GRIN2B: variants seen among roughly 807,000 people sequenced by gnomAD.
The protein encoded by GRIN2B is glutamate receptor ionotropic, NMDA 2B.
GRIN2B carries 5 observed loss-of-function variants against 114.5 expected under a neutral mutation model. The ratio of observed to expected loss-of-function variants is 0.04; its 90% CI spans 0.02 to 0.09. The LOEUF is 0.09. Ranked by LOEUF, GRIN2B falls within the 10% of genes least tolerant of loss-of-function variation. GRIN2B has a pLI of 1.00. For missense variants in GRIN2B, 1,108 were observed against 1,943.5 expected (o/e 0.57, Z 8.08); for synonymous variants, 787 against 745.1 (o/e 1.06, Z -0.92).
intron 4 of GRIN2B, among the ~76,000 whole-genome samples, chr12:13,680,526 C>A (rs1245879102): frequency 6.8e-6 from 1 of 147,754 alleles, no homozygotes; most frequent in African/African-American, 2.5e-5. Flanking sequence ...GTAGTTTGAA[C>A]CTTAAGAAAC....
chr12:13,704,432 A>G (rs922531301), intron 4 of GRIN2B, among the ~76,000 whole-genome samples: 3 of 152,154 alleles, frequency 2.0e-5, no homozygotes, highest in African/African-American at 7.2e-5. Context: ...AACGACTCAA[A>G]CCAAATCCTG....
At chr12:13,770,683 A>G (rs1425453219) in intron 3 of GRIN2B, among the ~76,000 whole-genome samples, 1 of 152,162 alleles carries the variant, frequency 6.6e-6, no homozygotes, top group Non-Finnish European at 1.5e-5. Context: ...TCTGTAATGG[A>G]CAGGCCCTGG....
chr12:13,878,248 C>T (rs1866020868), intron 2 of GRIN2B, among the ~76,000 whole-genome samples: 1 of 152,114 alleles, frequency 6.6e-6, no homozygotes, highest in Admixed American at 6.6e-5. Flanking sequence ...ATCGACTCCC[C>T]CGACCCACTT....
chr12:13,731,170 C>T (rs932908566), intron 4 of GRIN2B, among the ~76,000 whole-genome samples: 2 of 152,164 alleles, frequency 1.3e-5, no homozygotes, highest in South Asian at 2.1e-4. Flanking sequence ...TGTAATTCCA[C>T]GTTCCAGACT....
chr12:13,699,898 T>G (rs1950295039), intron 4 of GRIN2B, among the ~76,000 whole-genome samples: 1 of 151,364 alleles, frequency 6.6e-6, no homozygotes, highest in South Asian at 2.1e-4. Context: ...TTTTTTTTTT[T>G]TTCTTGTCTA....
At chr12:13,583,715 G>T (rs1428970832) in intron 10 of GRIN2B, among the ~76,000 whole-genome samples, 1 of 152,160 alleles carries the variant, frequency 6.6e-6, no homozygotes, top group Non-Finnish European at 1.5e-5. Context: ...AGGCAAAGAG[G>T]TCTGGGGAGG....
chr12:13,862,876 C>T (rs1304531021), intron 3 of GRIN2B, among the ~76,000 whole-genome samples: 5 of 152,196 alleles, frequency 3.3e-5, no homozygotes, highest in African/African-American at 1.2e-4. Context: ...ACCACCCATT[C>T]AGCATCGAAC....
chr12:13,759,278 C>T (rs903921254), intron 3 of GRIN2B, among the ~76,000 whole-genome samples: 15 of 151,786 alleles, frequency 9.9e-5, no homozygotes, highest in African/African-American at 3.4e-4. Context: ...CAAAGTGCTG[C>T]GATTACAGGC....
At chr12:13,930,875 T>G (rs2136823690) in intron 2 of GRIN2B, among the ~76,000 whole-genome samples, 1 of 152,246 alleles carries the variant, frequency 6.6e-6, no homozygotes, top group South Asian at 2.1e-4. Flanking sequence ...GGGTGGAGAA[T>G]TTGCTTTGAA....
chr12:13,784,223 CAAAAAAAAAAAAAAAAAAAA>C (rs56197649), intron 3 of GRIN2B, among the ~76,000 whole-genome samples: 33 of 71,900 alleles, frequency 4.6e-4, no homozygotes, highest in South Asian at 2.6e-3. Context: ...GACTTCGCCT[CAAAAAAAAAAAAAAAAAAAA>C]AAAAAAAAAA....
rs192363922 is a variant in GRIN2B, at chr12:13,819,188, G to T, written c.411+46610C>A. 5.3e-4 allele frequency among the ~76,000 whole-genome samples: 80 copies of T among 152,264 alleles called. No homozygotes were observed. In the East Asian group the frequency reaches 0.011, roughly 21 times the overall value. ...GACACAGCCATTTAGAAGAAAGACCGTGTGAGTGAGAGAGAAGGTGGCCAT... is the reference window on the plus strand; with the variant it reads ...GACACAGCCATTTAGAAGAAAGACCTTGTGAGTGAGAGAGAAGGTGGCCAT... On this transcript the variant is annotated intron_variant, in intron 3 of 13. Coordinates refer to ENST00000609686, the MANE Select transcript of GRIN2B (RefSeq NM_000834.5).
At position 13,564,663 on chromosome 12, in the gene GRIN2B, G is replaced by T. The variant is rs201881500; in HGVS notation, c.2599-24C>A. ...CCCTGAAGCAAGAATGGAGGGACAG[G>T]TTAGATCTCCAGAGAGGCTAGAAAT... is the stretch of plus-strand genomic sequence containing the variant. On this transcript the variant is annotated intron_variant, in intron 13 of 13. Coordinates refer to ENST00000609686, the MANE Select transcript of GRIN2B (RefSeq NM_000834.5). The surrounding 1 kb of genome is among the most constrained non-coding windows in gnomAD (Gnocchi z 4.8). The T allele has an allele frequency of 1.9e-6, 3 of 1,607,560 alleles. No individual in the cohort carries two copies. In the African/African-American group the frequency reaches 4.0e-5, roughly 21 times the overall value.
At chr12:13,657,263 T>C (rs566414929) in intron 5 of GRIN2B, among the ~76,000 whole-genome samples, 12 of 152,318 alleles carry the variant, frequency 7.9e-5, no homozygotes, top group South Asian at 4.1e-4. Flanking sequence ...TCCTGGGGAA[T>C]TGGGGATATT....
At chr12:13,856,581 G>T (rs1261068216) in intron 3 of GRIN2B, among the ~76,000 whole-genome samples, 1 of 152,116 alleles carries the variant, frequency 6.6e-6, no homozygotes, top group Non-Finnish European at 1.5e-5. Context: ...TCCAGACTGA[G>T]AAATAACTCC....
intron 12 of GRIN2B, among the ~76,000 whole-genome samples, chr12:13,568,032 C>G (rs937093831): frequency 6.6e-6 from 1 of 151,814 alleles, no homozygotes; most frequent in Non-Finnish European, 1.5e-5. Flanking sequence ...CCCTAGGGCC[C>G]CTCAGATTTA....
intron 3 of GRIN2B, among the ~76,000 whole-genome samples, chr12:13,814,997 T>A (rs1263035837): frequency 6.6e-6 from 1 of 152,204 alleles, no homozygotes; most frequent in African/African-American, 2.4e-5. Context: ...TTTTTCTAGA[T>A]TTTGTTTATA....
intron 3 of GRIN2B, among the ~76,000 whole-genome samples, chr12:13,797,927 T>C (rs749292342): frequency 2.6e-5 from 4 of 152,216 alleles, no homozygotes; most frequent in Admixed American, 6.5e-5. Context: ...TTTAATTCTC[T>C]ACCATCACAC....
Position 13,853,122 on chromosome 12 carries a change from G to A in GRIN2B, c.411+12676C>T, listed in dbSNP as rs527319789. The stretch of plus-strand genomic sequence containing the variant: ...GGCTACCTCCTCTGCGGCCTTCCCT[G>A]ACAACCCTAACTAAAATAGCTCACA... On this transcript the variant is annotated intron_variant, in intron 3 of 13. Transcript: ENST00000609686. Among the ~76,000 whole-genome samples, 5 of 152,250 alleles carry A rather than the reference G, an allele frequency of 3.3e-5. No homozygotes were observed. In the East Asian group the frequency reaches 9.7e-4, roughly 29 times the overall value.
chr12:13,954,625 C>T (rs1867552283), intron 2 of GRIN2B, among the ~76,000 whole-genome samples: 1 of 151,664 alleles, frequency 6.6e-6, no homozygotes, highest in African/African-American at 2.4e-5. Flanking sequence ...GCCTGGCCAA[C>T]ATGGTGAAAC....
Sources: allele counts gnomAD v4.1 joint callset (sites outside exome capture counted in the v4.1 genomes callset), GRCh38; gene constraint gnomAD v4.1.1; non-coding constraint Gnocchi (gnomAD v3.1); transcripts MANE v1.5; gene names NCBI Gene and HGNC (gene_info 2026-07-23, HGNC 2026-07-21).